Variants in TMEM187 observed in about 807,000 individuals in gnomAD.
The protein encoded by TMEM187 is transmembrane protein 187.
In TMEM187, 14 loss-of-function variants were observed where a neutral mutation model predicts 11.8. The ratio of observed to expected loss-of-function variants is 1.18; its 90% CI spans 0.78 to 1.85. TMEM187 has a LOEUF of 1.85. TMEM187 is among the 40% of genes most tolerant of loss of function. TMEM187 has a pLI of 0.00. For missense variants in TMEM187, 227 were observed against 243.9 expected (o/e 0.93, Z 0.46); for synonymous variants, 112 against 118.5 (o/e 0.95, Z 0.36).
At chrX:153,976,462 C>T (rs1367096518) in intron 1 of TMEM187, among the ~76,000 whole-genome samples, 1 of 111,848 alleles carries the variant, frequency 8.9e-6, no homozygotes, top group Non-Finnish European at 1.9e-5. Flanking sequence ...ACCTGGGAGA[C>T]GCAGGCTGTG....
Position 153,982,215 on chromosome X carries a change from C to G in TMEM187, c.153C>G (p.Phe51Leu). 1 of 1,212,298 alleles carries G rather than the reference C, an allele frequency of 8.2e-7. No homozygotes were observed. The highest frequency in any genetic ancestry group is 1.1e-6 in the Non-Finnish European group (1 of 895,634). ...CGCCCGTGGCCGGCCTCCCTGCCTTCCTGGCCATGCCGTTCAACTCACTCG... is the reference window on the plus strand; with the variant it reads ...CGCCCGTGGCCGGCCTCCCTGCCTTGCTGGCCATGCCGTTCAACTCACTCG... ...AEAPVAGLPA[F>L]LAMPFNSLVN... Residue 51 changes from phenylalanine to leucine, a missense_variant, in exon 2 of 2, where the codon TTC (phenylalanine) becomes TTG (leucine). Phe to Leu is a conservative substitution (Grantham distance 22). Transcript: ENST00000369982.
At chrX:153,978,164 C>G (rs2065583942) in intron 1 of TMEM187, among the ~76,000 whole-genome samples, 1 of 109,582 alleles carries the variant, frequency 9.1e-6, no homozygotes, top group African/African-American at 3.3e-5. Context: ...TGAGCCGAGA[C>G]CACGCCACTG....
intron 1 of TMEM187, among the ~76,000 whole-genome samples, chrX:153,974,483 G>A (rs7062355): frequency 0.064 from 7,212 of 112,206 alleles, 568 homozygotes; most frequent in African/African-American, 0.22. Flanking sequence ...GACAGAGCTG[G>A]GCCTGAGGAG....
At chrX:153,975,960 T>C (rs1557121420) in intron 1 of TMEM187, among the ~76,000 whole-genome samples, 1 of 110,756 alleles carries the variant, frequency 9.0e-6, no homozygotes, top group Non-Finnish European at 1.9e-5. Context: ...AGTAGCTTTA[T>C]AGTTTCAGGT....
At position 153,982,661 on chromosome X, in the gene TMEM187, C is replaced by T; in HGVS notation, c.599C>T (p.Ser200Phe). ...ACCTACTTAGCTTTGGGGGTGCTCT[C>T]TTGCCTGGGCTTTGTGGTCCTCAAG... is the stretch of plus-strand genomic sequence containing the variant. ...SATYLALGVLSCLGFVVLKLC... is the reference protein window; with the variant it reads ...SATYLALGVLFCLGFVVLKLC... Residue 200 changes from serine (S) to phenylalanine (F), a missense_variant, in exon 2 of 2, where the codon TCT becomes TTT. Transcript: ENST00000369982. The T allele has an allele frequency of 8.2e-7, 1 of 1,212,379 alleles. No individual in the cohort carries two copies. The highest frequency in any genetic ancestry group is 1.1e-6 in the Non-Finnish European group (1 of 895,650).
Position 153,972,939 on chromosome X carries a change from C to CGCGGCG in TMEM187, c.-214+100_-214+105dup, listed in dbSNP as rs782390507. ...CGCCTCCTCTAGGAGGCCGCCCGGGCGCGGCGGCGGCGGCGGCGGCGGCGG... is the reference window on the plus strand; with the variant it reads ...CGCCTCCTCTAGGAGGCCGCCCGGGCGCGGCGGCGGCGGCGGCGGCGGCGGCGGCGG... On this transcript the variant is annotated intron_variant, in intron 1 of 1. Coordinates refer to ENST00000369982, the MANE Select transcript of TMEM187 (RefSeq NM_003492.3). 147 of 117,493 alleles carry CGCGGCG rather than the reference C, an allele frequency of 1.3e-3. 1 individual carries two copies. Among genetic ancestry groups the CGCGGCG allele is most frequent in the East Asian group, 7.8e-3 (28 of 3,569 alleles). 9.7% of individuals were successfully genotyped at this position (117,493 alleles called of 1,213,427 possible).
At chrX:153,975,059 G>A (rs181706130) in intron 1 of TMEM187, among the ~76,000 whole-genome samples, 1 of 112,218 alleles carries the variant, frequency 8.9e-6, no homozygotes, top group African/African-American at 3.2e-5. Context: ...CCCATTTGGG[G>A]CCTAAATTGC....
At chrX:153,976,897 TTG>T (rs782492673) in intron 1 of TMEM187, among the ~76,000 whole-genome samples, 226 of 112,560 alleles carry the variant, frequency 2.0e-3, no homozygotes, top group Middle Eastern at 4.6e-3. Flanking sequence ...ATCTTGTTAT[TTG>T]TGGCAACATG....
chrX:153,979,630 T>G (rs781988101), intron 1 of TMEM187, among the ~76,000 whole-genome samples: 1 of 109,060 alleles, frequency 9.2e-6, no homozygotes, highest in Non-Finnish European at 1.9e-5. Context: ...GTGCAGTGGC[T>G]CACTCCTGTA....
At chrX:153,979,693 C>T (rs892565863) in intron 1 of TMEM187, among the ~76,000 whole-genome samples, 7 of 102,825 alleles carry the variant, frequency 6.8e-5, no homozygotes, top group African/African-American at 1.1e-4. Flanking sequence ...GCCAAGAGTT[C>T]GAGACCAGGC....
At chrX:153,975,210 A>G (rs2065572841) in intron 1 of TMEM187, among the ~76,000 whole-genome samples, 1 of 110,991 alleles carries the variant, frequency 9.0e-6, no homozygotes, top group Non-Finnish European at 1.9e-5. Flanking sequence ...ATATACTCCC[A>G]TTTGTCTGTT....
intron 1 of TMEM187, among the ~76,000 whole-genome samples, chrX:153,974,236 G>A (rs1557121143): frequency 1.8e-5 from 2 of 111,278 alleles, no homozygotes; most frequent in African/African-American, 6.6e-5. Flanking sequence ...CCTCGATCAA[G>A]TTGACAGTGT....
intron 1 of TMEM187, among the ~76,000 whole-genome samples, chrX:153,974,739 G>C (rs1174138694): frequency 8.9e-6 from 1 of 112,199 alleles, no homozygotes; most frequent in African/African-American, 3.2e-5. Context: ...CTTGTGTGAA[G>C]CAAGGACGTA....
chrX:153,978,752 T>TTTTG lies in TMEM187; in HGVS notation c.-213-3095_-213-3094insGTTT, dbSNP rs1569547202. Among the ~76,000 whole-genome samples, 125 of 82,075 alleles carry TTTTG rather than the reference T, an allele frequency of 1.5e-3. 1 individual carries two copies. Among genetic ancestry groups the TTTTG allele is most frequent in the Non-Finnish European group, 2.1e-3 (89 of 42,924 alleles). 71.3% of individuals were successfully genotyped at this position (82,075 alleles called of 115,157 possible). A position where few individuals can be genotyped will look rare whatever the true frequency, so the allele number is the denominator to read the frequency against. ...GCATGTGCCACCACACCTGGCTAAT[T>TTTTG]TTTTGTTTTGTTTTGTTTTGTTTTG... is the stretch of plus-strand genomic sequence containing the variant. On this transcript the variant is annotated intron_variant, in intron 1 of 1. Transcript: ENST00000369982.
At position 153,982,055 on chromosome X, in the gene TMEM187, G is replaced by A. The variant is rs371853864; in HGVS notation, c.-8G>A. The A allele has an allele frequency of 5.0e-5, 60 of 1,211,622 alleles. No homozygotes were observed. In the African/African-American group the frequency reaches 8.3e-4, roughly 17 times the overall value. Reference sequence around the variant, plus strand: ...GCTCCCTGCCCCAGGTCACGCCGCCGGTTCCAGATGAATCCAGAGTGGGGG... The same window carrying A: ...GCTCCCTGCCCCAGGTCACGCCGCCAGTTCCAGATGAATCCAGAGTGGGGG... On this transcript the variant is annotated 5_prime_UTR_variant, in exon 2 of 2. Coordinates refer to ENST00000369982, the MANE Select transcript of TMEM187 (RefSeq NM_003492.3).
intron 1 of TMEM187, among the ~76,000 whole-genome samples, chrX:153,976,931 G>C (rs1357514941): frequency 8.9e-6 from 1 of 112,731 alleles, no homozygotes; most frequent in Non-Finnish European, 1.9e-5. Context: ...AGGACGTTAT[G>C]TTAAGTGAAA....
chrX:153,981,961 T>C lies in TMEM187; in HGVS notation c.-102T>C, dbSNP rs1321941538. On this transcript the variant is annotated 5_prime_UTR_variant, in exon 2 of 2. Coordinates refer to ENST00000369982, the MANE Select transcript of TMEM187 (RefSeq NM_003492.3). ...GGAAATCACGAAATCACGGGGCTTC[T>C]TTCTGCTGGCTCAGCCGGGAGGCCC... 4.1e-5 allele frequency: 48 copies of C among 1,183,662 alleles called. No individual in the cohort carries two copies. Among genetic ancestry groups the C allele is most frequent in the Non-Finnish European group, 5.2e-5 (46 of 878,023 alleles).
chrX:153,981,725 G>A (rs1450665626), intron 1 of TMEM187, 125 bp from the exon 2 acceptor site: 8 of 367,318 alleles, frequency 2.2e-5, no homozygotes, highest in East Asian at 2.0e-4. Flanking sequence ...AGTGTGCAGC[G>A]GTTTCACTCT....
chrX:153,979,047 C>G (rs1280329246), intron 1 of TMEM187, among the ~76,000 whole-genome samples: 3 of 112,208 alleles, frequency 2.7e-5, no homozygotes, highest in African/African-American at 9.7e-5. Context: ...CTCTGCCTCC[C>G]AAAGTGTTGG....
Sources: allele counts gnomAD v4.1 joint callset (sites outside exome capture counted in the v4.1 genomes callset), GRCh38; gene constraint gnomAD v4.1.1; transcripts MANE v1.5; gene names NCBI Gene and HGNC (gene_info 2026-07-23, HGNC 2026-07-21).